ELMO1: variants seen among roughly 807,000 people sequenced by gnomAD.
The protein encoded by ELMO1 is engulfment and cell motility 1.
A neutral mutation model predicts 98.9 loss-of-function variants in ELMO1; 26 were observed. The ratio of observed to expected loss-of-function variants is 0.26; its 90% confidence interval spans 0.19 to 0.36. ELMO1 has a LOEUF of 0.36. Ranked by LOEUF, ELMO1 falls within the 10% of genes least tolerant of loss-of-function variation. The pLI, the probability that ELMO1 is intolerant of heterozygous loss-of-function variation, is 1.00. For synonymous variants in ELMO1, 346 were observed against 346.0 expected (o/e 1.00, Z 0.00); for missense variants, 627 against 935.2 (o/e 0.67, Z 4.30).
At chr7:36,863,688 C>T (rs1802808965) in intron 20 of ELMO1, among the ~76,000 whole-genome samples, 1 of 152,282 alleles carries the variant, frequency 6.6e-6, no homozygotes, top group African/African-American at 2.4e-5. Context: ...AAGCACGAGA[C>T]ATGAACACCA....
At chr7:37,425,477 T>A (rs935324022) in intron 1 of ELMO1, among the ~76,000 whole-genome samples, 3 of 152,242 alleles carry the variant, frequency 2.0e-5, no homozygotes, top group African/African-American at 7.2e-5. Context: ...ATTATTTACA[T>A]GTGTCTCCTT....
In ELMO1 at chr7:37,070,009, G is replaced by A. The variant is rs148752672; in HGVS notation, c.1300+26610C>T. On this transcript the variant is annotated intron_variant, in intron 15 of 21. Coordinates refer to ENST00000310758, the MANE Select transcript of ELMO1 (RefSeq NM_014800.11). ...AGGCAACTCAACATAGGAGGGTGAC[G>A]AGGGGAGAAAACAAAATTATATTCA... 1.2e-4 allele frequency among the ~76,000 whole-genome samples: 19 copies of A among 152,264 alleles called. 1 individual carries two copies. Among genetic ancestry groups the A allele is most frequent in the Admixed American group, 9.2e-4 (14 of 15,284 alleles).
chr7:36,988,813 CAGCAG>C (rs1454533108), intron 16 of ELMO1, among the ~76,000 whole-genome samples: 6 of 152,144 alleles, frequency 3.9e-5, no homozygotes, highest in Non-Finnish European at 8.8e-5. Context: ...AAGACCAGAC[CAGCAG>C]ATGCTTAGAG....
chr7:36,944,368 A>C (rs1289790249), intron 16 of ELMO1, among the ~76,000 whole-genome samples: 1 of 152,156 alleles, frequency 6.6e-6, no homozygotes, highest in Admixed American at 6.5e-5. Context: ...AGATTCAAAG[A>C]GACTCAAACT....
chr7:36,949,679 A>G (rs752650299), intron 16 of ELMO1, among the ~76,000 whole-genome samples: 2 of 151,904 alleles, frequency 1.3e-5, no homozygotes, highest in South Asian at 4.2e-4. Context: ...ACCAAATGTG[A>G]CAAAACTATC....
chr7:37,157,322 C>T (rs933217335), intron 13 of ELMO1, among the ~76,000 whole-genome samples: 1 of 152,100 alleles, frequency 6.6e-6, no homozygotes, highest in East Asian at 1.9e-4. Flanking sequence ...CCAGGGCAAT[C>T]AGGCAGGAGA....
rs189283421 is a variant in ELMO1 at position 36,867,165 on chromosome 7, G to A, written c.1905+3228C>T. Among the ~76,000 whole-genome samples, 279 of 152,088 alleles carry A rather than the reference G, an allele frequency of 1.8e-3. 1 individual carries two copies. The highest frequency in any genetic ancestry group is 6.5e-3 in the African/African-American group (269 of 41,478). ...TGCAGTCTTATCTGTTTACAGTGGC[G>A]TACTCCATCCATCCATCATTCTCCA... On this transcript the variant is annotated intron_variant, in intron 20 of 21. Transcript: ENST00000310758.
chr7:37,314,101 A>G (rs1406901773), intron 4 of ELMO1, among the ~76,000 whole-genome samples: 1 of 152,246 alleles, frequency 6.6e-6, no homozygotes, highest in Non-Finnish European at 1.5e-5. Context: ...TGCTTCTTGT[A>G]GAATCAAGTA....
intron 10 of ELMO1, among the ~76,000 whole-genome samples, chr7:37,221,212 T>A (rs1793576277): frequency 6.6e-6 from 1 of 152,182 alleles, no homozygotes; most frequent in South Asian, 2.1e-4. Flanking sequence ...ACACCACTAC[T>A]TGTGCAAACA....
intron 15 of ELMO1, among the ~76,000 whole-genome samples, chr7:37,016,628 G>A (rs747971722): frequency 6.6e-6 from 1 of 152,122 alleles, no homozygotes; most frequent in Non-Finnish European, 1.5e-5. Flanking sequence ...CAGCAAGTGC[G>A]TAGCCAGTGC....
At chr7:37,213,098 T>C (rs1793072504) in intron 12 of ELMO1, among the ~76,000 whole-genome samples, 1 of 152,198 alleles carries the variant, frequency 6.6e-6, no homozygotes. Context: ...AACTTTCTTA[T>C]TCAATAAATG....
At chr7:36,896,913 G>A (rs1806050735) in intron 16 of ELMO1, among the ~76,000 whole-genome samples, 1 of 152,198 alleles carries the variant, frequency 6.6e-6, no homozygotes, top group Non-Finnish European at 1.5e-5. Flanking sequence ...TGGCTTTCTT[G>A]TGGGAGGCTG....
intron 20 of ELMO1, among the ~76,000 whole-genome samples, chr7:36,863,095 G>T (rs542117338): frequency 6.6e-6 from 1 of 152,134 alleles, no homozygotes; most frequent in African/African-American, 2.4e-5. Context: ...CATTGAGAGG[G>T]GGCAGGTCTT....
chr7:37,287,397 T>C (rs949770020), intron 4 of ELMO1, among the ~76,000 whole-genome samples: 6 of 152,184 alleles, frequency 3.9e-5, no homozygotes, highest in African/African-American at 1.4e-4. Flanking sequence ...AGCTTGGACA[T>C]AGTCCACAGG....
At chr7:37,364,657 T>C (rs949461632) in intron 1 of ELMO1, among the ~76,000 whole-genome samples, 1 of 152,160 alleles carries the variant, frequency 6.6e-6, no homozygotes, top group African/African-American at 2.4e-5. Context: ...AAATTTCTTC[T>C]TCTTCTCATT....
chr7:37,020,057 G>T (rs909276459), intron 15 of ELMO1, among the ~76,000 whole-genome samples: 10 of 152,198 alleles, frequency 6.6e-5, no homozygotes, highest in African/African-American at 2.4e-4. Context: ...GAAAACAAGG[G>T]TTACTGCACT....
intron 5 of ELMO1, among the ~76,000 whole-genome samples, chr7:37,262,671 T>C (rs921650682): frequency 2.0e-5 from 3 of 152,138 alleles, no homozygotes; most frequent in Non-Finnish European, 4.4e-5. Context: ...TCCTAGGACA[T>C]AGGTGAACAA....
At chr7:37,070,743 C>G (rs1175454598) in intron 15 of ELMO1, among the ~76,000 whole-genome samples, 3 of 152,144 alleles carry the variant, frequency 2.0e-5, no homozygotes, top group African/African-American at 7.2e-5. Context: ...GGGCTCCTGG[C>G]TCACCCTGTG....
At chr7:37,276,001 A>G (rs1454968090) in intron 4 of ELMO1, among the ~76,000 whole-genome samples, 1 of 152,216 alleles carries the variant, frequency 6.6e-6, no homozygotes, top group Non-Finnish European at 1.5e-5. Context: ...CTGATTTCAT[A>G]AATCCCACAC....
Sources: allele counts gnomAD v4.1 joint callset (sites outside exome capture counted in the v4.1 genomes callset), GRCh38; gene constraint gnomAD v4.1.1; transcripts MANE v1.5; gene names NCBI Gene and HGNC (gene_info 2026-07-23, HGNC 2026-07-21).